The following ERMARD variants were observed in gnomAD, a reference collection of about 807,000 sequenced individuals.
ERMARD encodes ER membrane associated RNA degradation, also known as endoplasmic reticulum membrane-associated RNA degradation protein.
ERMARD carries 71 observed loss-of-function variants against 83.9 expected under a neutral mutation model. The observed-to-expected ratio is 0.85, with a 90% CI of 0.70 to 1.03. The LOEUF (loss-of-function observed/expected upper bound fraction) is 1.03. ERMARD is among the 50% of genes least tolerant of loss of function. ERMARD has a pLI of 0.00. For missense variants in ERMARD, 838 were observed against 810.9 expected (o/e 1.03, Z -0.41); for synonymous variants, 284 against 298.6 (o/e 0.95, Z 0.50).
At position 169,779,634 on chromosome 6, in the gene ERMARD, C is replaced by T. The variant is rs1357046195; in HGVS notation, c.1853+339C>T. On this transcript the variant is annotated intron_variant, in intron 17 of 17. Transcript: ENST00000366773. The stretch of plus-strand genomic sequence containing the variant: ...TCAGCCTCCTGAGTAGCTGGGACCA[C>T]AGCCATGCCACCATACCTGGCTAAT... 2.6e-5 allele frequency among the ~76,000 whole-genome samples: 4 copies of T among 152,164 alleles called. No individual in the cohort carries two copies. In the East Asian group the frequency reaches 7.7e-4, roughly 29 times the overall value.
upstream of ERMARD, chr6:169,751,548 A>G: frequency 6.2e-7 from 1 of 1,610,226 alleles, no homozygotes; most frequent in Non-Finnish European, 8.5e-7. Context: ...GAAGTCTCCC[A>G]CCTGCGCCTC....
intron 3 of ERMARD, 144 bp from the exon 4 acceptor site, chr6:169,756,194 A>G: frequency 2.2e-6 from 1 of 457,916 alleles, no homozygotes. Flanking sequence ...AGGCAATATA[A>G]TTATACAGAA....
intron 3 of ERMARD, among the ~76,000 whole-genome samples, chr6:169,756,032 G>A (rs1328837424): frequency 6.6e-6 from 1 of 152,116 alleles, no homozygotes; most frequent in Non-Finnish European, 1.5e-5. Flanking sequence ...TCTGTTTGAG[G>A]GCTCAGCCAA....
At chr6:169,751,557 T>C, upstream of ERMARD, 1 of 1,609,870 alleles carries the variant, frequency 6.2e-7, no homozygotes, top group Non-Finnish European at 8.5e-7. Context: ...CACCTGCGCC[T>C]CGTACGGTAG....
Position 169,753,892 on chromosome 6 carries a change from G to T in ERMARD, c.35G>T (p.Cys12Phe). 1 of 1,603,778 alleles carries T rather than the reference G, an allele frequency of 6.2e-7. No individual in the cohort carries two copies. Among genetic ancestry groups the T allele is most frequent in the African/African-American group, 1.3e-5 (1 of 74,596 alleles). ...EVLIGDPITT[C>F]LSPSVYDIIC... ...TTAATAGGGGACCCTATTACCACAT[G>T]TCTTTCTCCCTCAGTGTATGATATA... is the stretch of plus-strand genomic sequence containing the variant. The change falls in exon 2 of 18, where the codon TGT (cysteine) becomes TTT (phenylalanine). Residue 12 changes from cysteine (C) to phenylalanine (F), a missense_variant. Transcript: ENST00000366773.
In ERMARD at chr6:169,760,091, C is replaced by T. The variant is rs546823621; in HGVS notation, c.742+117C>T. On this transcript the variant is annotated intron_variant, in intron 7 of 17. Coordinates refer to ENST00000366773, the MANE Select transcript of ERMARD (RefSeq NM_018341.3). ...GGTGAAGTAGTTGTTCTTCAGTAGTCGGATGGCTTTCAGAGTTGCTTGAAG... is the reference window on the plus strand; with the variant it reads ...GGTGAAGTAGTTGTTCTTCAGTAGTTGGATGGCTTTCAGAGTTGCTTGAAG... 2.3e-4 allele frequency: 346 copies of T among 1,515,986 alleles called. 1 individual carries two copies. The highest frequency in any genetic ancestry group is 2.2e-3 in the Middle Eastern group (12 of 5,432). 93.9% of individuals were successfully genotyped at this position (1,515,986 alleles called of 1,614,324 possible).
intron 13 of ERMARD, among the ~76,000 whole-genome samples, chr6:169,774,816 A>T (rs1356402537): frequency 1.3e-5 from 2 of 150,916 alleles, no homozygotes; most frequent in African/African-American, 4.9e-5. Flanking sequence ...GAAGTTGGCC[A>T]GGGGCTTCAT....
chr6:169,751,819 C>T, intron 1 of ERMARD, 156 bp downstream of exon 1: 4 of 1,136,010 alleles, frequency 3.5e-6, no homozygotes, highest in Non-Finnish European at 4.7e-6. Context: ...GCGGCCCTGG[C>T]CTCTGTGGCG....
At chr6:169,776,138 C>T (rs1793567877) in intron 15 of ERMARD, 73 bp downstream of exon 15, 1 of 1,587,038 alleles carries the variant, frequency 6.3e-7, no homozygotes, top group East Asian at 2.2e-5. Context: ...TTAGCATTTT[C>T]TATGTTTTAG....
intron 9 of ERMARD, among the ~76,000 whole-genome samples, chr6:169,765,807 A>G (rs1027492720): frequency 6.6e-6 from 1 of 152,212 alleles, no homozygotes; most frequent in African/African-American, 2.4e-5. Context: ...ATCACATCAC[A>G]CCGCATGGCC....
rs1793209808 is a variant in ERMARD, at chr6:169,773,405, A to T, written c.1317+3A>T. On this transcript the variant is annotated splice_donor_region_variant and intron_variant, in intron 13 of 17. Coordinates refer to ENST00000366773, the MANE Select transcript of ERMARD (RefSeq NM_018341.3). ...CGGTTTTTCAGCTTAAAAAACAGGT[A>T]TGCCAAATGCAGGGTCCCGGGAGGG... 1.2e-6 allele frequency: 2 copies of T among 1,614,124 alleles called. No individual in the cohort carries two copies. Among genetic ancestry groups the T allele is most frequent in the Non-Finnish European group, 1.7e-6 (2 of 1,179,978 alleles).
chr6:169,764,566 G>A (rs1031523476), intron 9 of ERMARD, among the ~76,000 whole-genome samples: 4 of 151,966 alleles, frequency 2.6e-5, no homozygotes, highest in Admixed American at 1.3e-4. Flanking sequence ...GCCACCATAC[G>A]TGGCCCCACT....
chr6:169,751,494 T>C, upstream of ERMARD: 1 of 1,610,704 alleles, frequency 6.2e-7, no homozygotes, highest in Non-Finnish European at 8.5e-7. Flanking sequence ...CCGCCTCCCC[T>C]TCACCGCCGG....
chr6:169,769,635 A>C lies in ERMARD; in HGVS notation c.1155A>C (p.Glu385Asp). The change falls in exon 12 of 18, where the codon GAA (glutamate) becomes GAC (aspartate). Residue 385 changes from glutamate (E) to aspartate (D), a missense_variant. By Grantham distance (45) the Glu-to-Asp change is conservative. Transcript: ENST00000366773. ...TCAACTTACATGAATTTTCAAAAGA[A>C]ACAACTAATCAGTTGCTTGCATTTT... ...GEINLHEFSKETTNQLLAFSL... is the reference protein window; with the variant it reads ...GEINLHEFSKDTTNQLLAFSL... 2 of 1,613,328 alleles carry C rather than the reference A, an allele frequency of 1.2e-6. No individual in the cohort carries two copies. The highest frequency in any genetic ancestry group is 1.7e-6 in the Non-Finnish European group (2 of 1,179,670).
intron 1 of ERMARD, chr6:169,752,014 T>C: frequency 2.9e-6 from 1 of 350,586 alleles, no homozygotes; most frequent in Non-Finnish European, 5.1e-6. Context: ...GGCTCGTTCC[T>C]AGAAGCGCAG....
In ERMARD at chr6:169,760,678, T is replaced by A; in HGVS notation, c.779T>A (p.Val260Glu). 3.1e-6 allele frequency: 5 copies of A among 1,613,668 alleles called. No individual in the cohort carries two copies. Among genetic ancestry groups the A allele is most frequent in the Non-Finnish European group, 4.2e-6 (5 of 1,179,602 alleles). ...GAGGTGCTTTCAGTATTAGAAGAAGTGATGATGAAATCTGCTTTTATATTA... is the reference window on the plus strand; with the variant it reads ...GAGGTGCTTTCAGTATTAGAAGAAGAGATGATGAAATCTGCTTTTATATTA... ...TYEVLSVLEE[V>E]MMKSAFILKI... The change falls in exon 8 of 18, where the codon GTG becomes GAG. Residue 260 changes from valine (V) to glutamate (E), a missense_variant. Transcript: ENST00000366773.
At chr6:169,777,784 C>T in intron 16 of ERMARD, among the ~76,000 whole-genome samples, 1 of 152,152 alleles carries the variant, frequency 6.6e-6, no homozygotes, top group East Asian at 1.9e-4. Flanking sequence ...CCCTTCCCCC[C>T]ACCCACAGCT....
chr6:169,776,801 T>C (rs1167576346), intron 16 of ERMARD, 128 bp downstream of exon 16: 19 of 1,099,330 alleles, frequency 1.7e-5, no homozygotes, highest in Non-Finnish European at 2.5e-5. Flanking sequence ...GGTGTTGATA[T>C]ACTTGGAGTC....
In ERMARD at chr6:169,772,611, T is replaced by C. The variant is rs1359797184; in HGVS notation, c.1234-708T>C. On this transcript the variant is annotated intron_variant, in intron 12 of 17. Transcript: ENST00000366773. ...GTGAAACCCCGTCTCTACTAAAAAA[T>C]AAAAAAAAATTAGCCAGGCGTGGTG... Among the ~76,000 whole-genome samples the C allele has an allele frequency of 2.7e-5, 4 of 150,488 alleles. No homozygotes were observed. The East Asian group carries it at 5.9e-4, about 22-fold the overall frequency.
Sources: allele counts gnomAD v4.1 joint callset (sites outside exome capture counted in the v4.1 genomes callset), GRCh38; gene constraint gnomAD v4.1.1; transcripts MANE v1.5; gene names NCBI Gene and HGNC (gene_info 2026-07-23, HGNC 2026-07-21).